Variants in ELMOD1 observed in about 807,000 individuals in gnomAD.
The protein encoded by ELMOD1 is ELMO domain containing 1, also known as ELMO domain-containing protein 1.
In ELMOD1, 21 loss-of-function variants were observed where a neutral mutation model predicts 46.7. That is an observed-to-expected ratio of 0.45 (90% CI 0.32 to 0.65). The LOEUF is 0.65. Ranked by LOEUF, ELMOD1 falls within the 30% of genes least tolerant of loss-of-function variation. The pLI, the probability that ELMOD1 is intolerant of heterozygous loss-of-function variation, is 0.04. For synonymous variants in ELMOD1, 122 were observed against 138.2 expected (o/e 0.88, Z 0.82); for missense variants, 348 against 407.8 (o/e 0.85, Z 1.26).
chr11:107,660,181 GTC>G (rs1331085877), intron 11 of ELMOD1, among the ~76,000 whole-genome samples: 1 of 152,150 alleles, frequency 6.6e-6, no homozygotes, highest in Non-Finnish European at 1.5e-5. Flanking sequence ...CCTTGCATAT[GTC>G]TCTGCTCTCT....
At chr11:107,615,752 T>C (rs562343292) in intron 1 of ELMOD1, among the ~76,000 whole-genome samples, 2 of 152,258 alleles carry the variant, frequency 1.3e-5, no homozygotes, top group East Asian at 3.9e-4. Flanking sequence ...TCTTAGACTT[T>C]CCTTGTTTTT....
At chr11:107,663,240 C>T (rs1866774933) in intron 11 of ELMOD1, among the ~76,000 whole-genome samples, 2 of 152,152 alleles carry the variant, frequency 1.3e-5, no homozygotes. Context: ...GGGGCCCTGG[C>T]TTGTGTAACC....
chr11:107,619,326 A>G lies in ELMOD1; in HGVS notation c.17+1120A>G, dbSNP rs183204359. Among the ~76,000 whole-genome samples the G allele has an allele frequency of 3.3e-3, 497 of 152,348 alleles. 2 individuals are homozygous for G. Among genetic ancestry groups the G allele is most frequent in the Middle Eastern group, 0.017 (5 of 294 alleles). The stretch of plus-strand genomic sequence containing the variant: ...TATCTTAGCTGTGTAAAAATATAGT[A>G]TTTGAAAAATCAGGAGGACATTTGC... On this transcript the variant is annotated intron_variant, in intron 2 of 11. Coordinates refer to ENST00000265840, the MANE Select transcript of ELMOD1 (RefSeq NM_018712.4).
intron 6 of ELMOD1, chr11:107,642,922 C>T (rs1403643075): frequency 3.0e-6 from 1 of 332,842 alleles, no homozygotes; most frequent in African/African-American, 2.3e-5. Flanking sequence ...TTCTGAACTT[C>T]CTCTTCTAAA....
intron 1 of ELMOD1, among the ~76,000 whole-genome samples, chr11:107,602,830 G>A (rs1865624583): frequency 6.7e-6 from 1 of 149,542 alleles, no homozygotes; most frequent in African/African-American, 2.5e-5. Context: ...ATTTAAGATT[G>A]AGGCACTAAA....
In ELMOD1 at chr11:107,666,174, A is replaced by AT. The variant is rs1305375821; in HGVS notation, c.*978dup. ...CCCTCACCCCAGTTGCAATTGTGTC[A>AT]TAGTCATCTGTATATCAAACTATTT... is the stretch of plus-strand genomic sequence containing the variant. On this transcript the variant is annotated 3_prime_UTR_variant, in exon 12 of 12. Coordinates refer to ENST00000265840, the MANE Select transcript of ELMOD1 (RefSeq NM_018712.4). 1 of 152,170 alleles carries AT rather than the reference A, an allele frequency of 6.6e-6. No individual in the cohort carries two copies. Among genetic ancestry groups the AT allele is most frequent in the Non-Finnish European group, 1.5e-5 (1 of 68,032 alleles). The allele number at this position is 152,170 out of a possible 1,614,324, so 9.4% of individuals were successfully genotyped here. A position where few individuals can be genotyped will look rare whatever the true frequency, so the allele number is the denominator to read the frequency against.
chr11:107,625,443 C>T (rs1227755610), intron 2 of ELMOD1: 5 of 985,014 alleles, frequency 5.1e-6, no homozygotes, highest in Non-Finnish European at 6.0e-6. Context: ...TTCATTGAAA[C>T]TGTTCAAAAT....
chr11:107,626,662 TTC>T (rs1866049561), intron 2 of ELMOD1, among the ~76,000 whole-genome samples: 1 of 148,438 alleles, frequency 6.7e-6, no homozygotes, highest in African/African-American at 2.5e-5. Context: ...TTCTTTTTCT[TTC>T]TTTCTTTCTT....
At chr11:107,623,397 G>C (rs532628983) in intron 2 of ELMOD1, 1 of 152,326 alleles carries the variant, frequency 6.6e-6, no homozygotes, top group Admixed American at 6.5e-5. Flanking sequence ...CTTTCCCTCA[G>C]CTTTTCAGGG....
chr11:107,657,462 A>G (rs1414788089), intron 11 of ELMOD1, among the ~76,000 whole-genome samples: 1 of 152,200 alleles, frequency 6.6e-6, no homozygotes, highest in Admixed American at 6.5e-5. Context: ...AAGGAGGCCA[A>G]GGCTGCTATG....
At chr11:107,633,864 A>T (rs1866183880) in intron 5 of ELMOD1, among the ~76,000 whole-genome samples, 2 of 152,190 alleles carry the variant, frequency 1.3e-5, no homozygotes, top group South Asian at 4.2e-4. Context: ...CCCTTTCCTA[A>T]ATTTTAATAT....
intron 11 of ELMOD1, among the ~76,000 whole-genome samples, chr11:107,660,502 A>C (rs777862090): frequency 1.1e-4 from 16 of 152,168 alleles, no homozygotes; most frequent in Non-Finnish European, 2.2e-4. Context: ...GGAAAAGCAA[A>C]CTATTTTTTT....
intron 9 of ELMOD1, 97 bp downstream of exon 9, chr11:107,651,005 C>A: frequency 2.9e-6 from 2 of 700,026 alleles, no homozygotes; most frequent in South Asian, 2.9e-5. Flanking sequence ...TTATTTGTTT[C>A]AAAAAGCCAA....
intron 1 of ELMOD1, among the ~76,000 whole-genome samples, chr11:107,597,692 C>CATAA (rs35316726): frequency 0.12 from 18,268 of 152,058 alleles, 1,321 homozygotes; most frequent in African/African-American, 0.21. Flanking sequence ...ATTTCTTTGA[C>CATAA]TTATAATGAA....
chr11:107,636,976 G>T (rs1166256623), intron 6 of ELMOD1, among the ~76,000 whole-genome samples: 7 of 152,196 alleles, frequency 4.6e-5, no homozygotes, highest in African/African-American at 1.7e-4. Flanking sequence ...CAATGTATTA[G>T]AATAGCTGAG....
At chr11:107,631,964 C>T (rs766252606) in intron 5 of ELMOD1, among the ~76,000 whole-genome samples, 2 of 152,166 alleles carry the variant, frequency 1.3e-5, no homozygotes, top group Non-Finnish European at 2.9e-5. Flanking sequence ...TCAACAATCA[C>T]TCTATCTGAT....
chr11:107,636,034 C>T (rs1866224120), intron 6 of ELMOD1, among the ~76,000 whole-genome samples: 1 of 152,196 alleles, frequency 6.6e-6, no homozygotes, highest in African/African-American at 2.4e-5. Context: ...TGGGCTCTCA[C>T]ATTTGGCTTA....
At chr11:107,634,656 A>T (rs929547214) in intron 5 of ELMOD1, among the ~76,000 whole-genome samples, 6 of 152,136 alleles carry the variant, frequency 3.9e-5, no homozygotes, top group African/African-American at 9.7e-5. Flanking sequence ...CAGGAGAATC[A>T]CTAGAAATCA....
intron 1 of ELMOD1, among the ~76,000 whole-genome samples, chr11:107,615,229 CTTTTTTTTT>C (rs34461488): frequency 2.5e-5 from 2 of 81,132 alleles, no homozygotes; most frequent in Non-Finnish European, 4.3e-5. Flanking sequence ...TTGTCAGCAT[CTTTTTTTTT>C]TTTTTTTTTT....
Sources: gnomAD v4.1 joint callset for allele counts (sites outside exome capture counted in the v4.1 genomes callset) on GRCh38, gnomAD v4.1.1 for gene constraint, MANE v1.5 for transcripts, NCBI Gene and HGNC (gene_info 2026-07-23, HGNC 2026-07-21) for gene names.